The following CAP2 variants were observed in gnomAD, a reference collection of about 807,000 sequenced individuals.
CAP2 encodes cyclase associated actin cytoskeleton regulatory protein 2, also known as adenylyl cyclase-associated protein 2.
Under a neutral mutation model 57.7 loss-of-function variants are expected in CAP2, and 24 were observed. The observed-to-expected ratio is 0.42, with a 90% CI of 0.30 to 0.58. The LOEUF (loss-of-function observed/expected upper bound fraction) is 0.58. Ranked by LOEUF, CAP2 falls within the 20% of genes least tolerant of loss-of-function variation. The pLI, the probability that CAP2 is intolerant of heterozygous loss-of-function variation, is 0.22. For synonymous variants in CAP2, 194 were observed against 207.2 expected (o/e 0.94, Z 0.55); for missense variants, 501 against 590.3 (o/e 0.85, Z 1.57).
Position 17,533,908 on chromosome 6 carries a change from A to G in CAP2, c.637-5361A>G, listed in dbSNP as rs1762709936. On this transcript the variant is annotated intron_variant, in intron 7 of 12. Coordinates refer to ENST00000229922, the MANE Select transcript of CAP2 (RefSeq NM_006366.3). Reference sequence around the variant, plus strand: ...AAACCATTGTTACAATGACTCCAATAGAACGTACTTTTTCATTATTCCCAG... The same window carrying G: ...AAACCATTGTTACAATGACTCCAATGGAACGTACTTTTTCATTATTCCCAG... Among the ~76,000 whole-genome samples the G allele has an allele frequency of 3.3e-5, 5 of 152,306 alleles. No homozygotes were observed. The South Asian group carries it at 1.0e-3, about 32-fold the overall frequency.
intron 3 of CAP2, among the ~76,000 whole-genome samples, chr6:17,444,947 A>G (rs1483034204): frequency 6.6e-6 from 1 of 152,038 alleles, no homozygotes; most frequent in African/African-American, 2.4e-5. Flanking sequence ...TGAGCCATTG[A>G]AAGACTGGGG....
chr6:17,499,870 T>TAAAG (rs1197756155), intron 4 of CAP2, among the ~76,000 whole-genome samples: 2 of 150,570 alleles, frequency 1.3e-5, no homozygotes, highest in Non-Finnish European at 3.0e-5. Flanking sequence ...AATAAATAAA[T>TAAAG]AAATAAATAA....
chr6:17,394,088 C>T (rs1230991074), intron 1 of CAP2, among the ~76,000 whole-genome samples: 2 of 150,350 alleles, frequency 1.3e-5, no homozygotes, highest in African/African-American at 2.4e-5. Context: ...CCGCGGCCTC[C>T]CCACCCCAGC....
intron 3 of CAP2, among the ~76,000 whole-genome samples, chr6:17,439,965 T>C (rs1026528506): frequency 7.3e-5 from 11 of 151,416 alleles, no homozygotes; most frequent in Non-Finnish European, 1.6e-4. Context: ...TAGAGTTAAT[T>C]CCCCCCATAG....
chr6:17,523,142 CT>C (rs754618032), intron 7 of CAP2, among the ~76,000 whole-genome samples: 5 of 152,130 alleles, frequency 3.3e-5, no homozygotes, highest in Non-Finnish European at 5.9e-5. Flanking sequence ...TGTTGGGAGA[CT>C]TTAGTGGATG....
intron 3 of CAP2, 80 bp from the exon 4 acceptor site, chr6:17,462,916 A>G: frequency 1.9e-6 from 2 of 1,058,058 alleles, no homozygotes; most frequent in South Asian, 1.3e-5. Context: ...GTATATACCT[A>G]CGGGTGGAAT....
chr6:17,531,184 G>A, intron 7 of CAP2: 2 of 765,348 alleles, frequency 2.6e-6, no homozygotes, highest in Non-Finnish European at 4.8e-6. Context: ...TTATGGATTA[G>A]TTCATTTACT....
chr6:17,523,396 AGG>A (rs1276854991), intron 7 of CAP2, among the ~76,000 whole-genome samples: 2 of 152,194 alleles, frequency 1.3e-5, no homozygotes, highest in Non-Finnish European at 2.9e-5. Context: ...CGGGAGGTAT[AGG>A]AGAGACATCC....
In CAP2 at chr6:17,468,843, C is replaced by T. The variant is rs529426668; in HGVS notation, c.300+5770C>T. On this transcript the variant is annotated intron_variant, in intron 4 of 12. Coordinates refer to ENST00000229922, the MANE Select transcript of CAP2 (RefSeq NM_006366.3). ...GTTCTCAAACGTAAAAAACAATATT[C>T]AGTGATACATTAATAATCCAGCCCC... is the stretch of plus-strand genomic sequence containing the variant. Among the ~76,000 whole-genome samples, 23 of 152,322 alleles carry T rather than the reference C, an allele frequency of 1.5e-4. No homozygotes were observed. The South Asian group carries it at 2.1e-3, about 14-fold the overall frequency.
intron 4 of CAP2, among the ~76,000 whole-genome samples, chr6:17,476,959 C>T (rs1448077066): frequency 6.8e-6 from 1 of 147,684 alleles, no homozygotes; most frequent in Non-Finnish European, 1.5e-5. Context: ...GCAACCTCTG[C>T]CTCTCGGGTT....
intron 1 of CAP2, among the ~76,000 whole-genome samples, chr6:17,405,248 A>G (rs746589445): frequency 4.0e-5 from 6 of 151,870 alleles, no homozygotes; most frequent in Non-Finnish European, 7.4e-5. Flanking sequence ...CAGGTGTGGT[A>G]TAGACGCTTG....
chr6:17,541,893 T>G (rs1221205145), intron 9 of CAP2, among the ~76,000 whole-genome samples: 1 of 152,196 alleles, frequency 6.6e-6, no homozygotes, highest in Non-Finnish European at 1.5e-5. Flanking sequence ...TGCATTCTTT[T>G]CTTCAACTTT....
intron 8 of CAP2, among the ~76,000 whole-genome samples, chr6:17,539,848 G>A (rs1054555804): frequency 3.3e-5 from 5 of 152,230 alleles, no homozygotes; most frequent in Non-Finnish European, 7.3e-5. Context: ...GGGAGGCCAA[G>A]GCAGGCCTAT....
chr6:17,535,175 T>C (rs957832300), intron 7 of CAP2, among the ~76,000 whole-genome samples: 1 of 152,112 alleles, frequency 6.6e-6, no homozygotes, highest in Non-Finnish European at 1.5e-5. Context: ...ATTGCACCAC[T>C]TCCCAATACT....
rs192677056 is a variant in CAP2 at position 17,531,236 on chromosome 6, A to G, written c.637-8033A>G. 1.4e-4 allele frequency: 108 copies of G among 785,926 alleles called. No individual in the cohort carries two copies. In the African/African-American group the frequency reaches 1.6e-3, roughly 11 times the overall value. 48.7% of individuals were successfully genotyped at this position (785,926 alleles called of 1,614,324 possible). On this transcript the variant is annotated intron_variant, in intron 7 of 12. Coordinates refer to ENST00000229922, the MANE Select transcript of CAP2 (RefSeq NM_006366.3). Reference sequence around the variant, plus strand: ...ACCCCCATGCAGTGTATGGCTCTACAATCCTCAGCATGTTAACTGAAGCCT... The same window carrying G: ...ACCCCCATGCAGTGTATGGCTCTACGATCCTCAGCATGTTAACTGAAGCCT...
intron 3 of CAP2, among the ~76,000 whole-genome samples, chr6:17,458,771 T>G (rs1164254918): frequency 6.7e-6 from 1 of 150,304 alleles, no homozygotes; most frequent in African/African-American, 2.5e-5. Flanking sequence ...AAACTGCCCA[T>G]AAACAGATGT....
At chr6:17,445,037 G>A (rs1760217802) in intron 3 of CAP2, among the ~76,000 whole-genome samples, 1 of 152,104 alleles carries the variant, frequency 6.6e-6, no homozygotes, top group African/African-American at 2.4e-5. Context: ...TATAATCACT[G>A]ACAATAGAAA....
At chr6:17,499,151 C>A (rs1349987994) in intron 4 of CAP2, among the ~76,000 whole-genome samples, 2 of 150,086 alleles carry the variant, frequency 1.3e-5, no homozygotes, top group Non-Finnish European at 3.0e-5. Flanking sequence ...GTAATCCCAG[C>A]AATTTTAGAG....
rs199901134 is a variant in CAP2, at chr6:17,409,035, G to A, written c.-1-12520G>A. 6.2e-4 allele frequency among the ~76,000 whole-genome samples: 94 copies of A among 151,354 alleles called. No homozygotes were observed. The East Asian group carries it at 0.015, about 24-fold the overall frequency. On this transcript the variant is annotated intron_variant, in intron 1 of 12. Coordinates refer to ENST00000229922, the MANE Select transcript of CAP2 (RefSeq NM_006366.3). ...TGATATCCCCCTGCTTGCAGTCTGCGGTGATTTTGCAGTGTGCTTGTTCTG... is the reference window on the plus strand; with the variant it reads ...TGATATCCCCCTGCTTGCAGTCTGCAGTGATTTTGCAGTGTGCTTGTTCTG...
Sources: allele counts gnomAD v4.1 joint callset (sites outside exome capture counted in the v4.1 genomes callset), GRCh38; gene constraint gnomAD v4.1.1; transcripts MANE v1.5; gene names NCBI Gene and HGNC (gene_info 2026-07-23, HGNC 2026-07-21).